The following GALNT13 variants were observed in gnomAD, a reference collection of about 807,000 sequenced individuals.
GALNT13 encodes the protein polypeptide N-acetylgalactosaminyltransferase 13.
Under a neutral mutation model 64.2 loss-of-function variants are expected in GALNT13, and 28 were observed. That is an observed-to-expected ratio of 0.44 (90% CI 0.32 to 0.60). The LOEUF (loss-of-function observed/expected upper bound fraction) is 0.60, where lower values mean the gene tolerates loss of function less well. Among genes scored for constraint, GALNT13 ranks in the 20% least tolerant of loss-of-function variants. The probability of loss-of-function intolerance (pLI) is 0.05; values close to 1 mark genes in which losing one functional copy is unlikely to be tolerated. For synonymous variants in GALNT13, 214 were observed against 224.6 expected, an observed-to-expected ratio of 0.95 and a Z score of 0.42; for missense variants, 577 against 669.8, an observed-to-expected ratio of 0.86 and a Z score of 1.53.
At chr2:153,648,388 A>G in the GALNT13 span, among the ~76,000 whole-genome samples, 3 of 152,166 alleles carry the variant, frequency 2.0e-5, no homozygotes, top group Non-Finnish European at 4.4e-5. Flanking sequence ...CATTTTCTGA[A>G]TATACAATCA....
chr2:153,773,522 A>T, the GALNT13 span, among the ~76,000 whole-genome samples: 1 of 152,212 alleles, frequency 6.6e-6, no homozygotes, highest in African/African-American at 2.4e-5. Context: ...TGTGGAATAG[A>T]ATATAGATGT....
At position 153,873,409 on chromosome 2, in the gene GALNT13, C is replaced by G. The variant is rs575625187; in HGVS notation, c.-177+1106C>G. ...GCAAGCCCCTCCCGCATACCCGATT[C>G]TTTGACTATGGTTAGTTGAATTTCC... On this transcript the variant is annotated intron_variant, in intron 1 of 12. Coordinates refer to ENST00000392825, the MANE Select transcript of GALNT13 (RefSeq NM_052917.4). 1.6e-4 allele frequency among the ~76,000 whole-genome samples: 25 copies of G among 152,336 alleles called. No individual in the cohort carries two copies. In the South Asian group the frequency reaches 4.8e-3, roughly 29 times the overall value.
intron 2 of GALNT13, among the ~76,000 whole-genome samples, chr2:153,940,068 T>A (rs1274559445): frequency 3.3e-5 from 5 of 151,184 alleles, no homozygotes; most frequent in Non-Finnish European, 7.4e-5. Flanking sequence ...ATGAGGGCAT[T>A]TTTTGTTGTT....
chr2:153,755,193 C>T, the GALNT13 span, among the ~76,000 whole-genome samples: 1 of 152,018 alleles, frequency 6.6e-6, no homozygotes, highest in East Asian at 1.9e-4. Context: ...GGTTTCTGTT[C>T]GTTTGTGTTT....
chr2:153,777,374 A>T, the GALNT13 span, among the ~76,000 whole-genome samples: 1 of 152,140 alleles, frequency 6.6e-6, no homozygotes. Context: ...GTGCATTTCA[A>T]AGAGGATGCT....
the GALNT13 span, among the ~76,000 whole-genome samples, chr2:153,091,318 T>C: frequency 6.6e-6 from 1 of 152,118 alleles, no homozygotes; most frequent in African/African-American, 2.4e-5. Context: ...TTGCTGCTTC[T>C]ACTTTTATAT....
At chr2:154,410,702 A>G (rs760249910) in intron 11 of GALNT13, among the ~76,000 whole-genome samples, 86 of 151,898 alleles carry the variant, frequency 5.7e-4, no homozygotes, top group Non-Finnish European at 1.1e-3. Flanking sequence ...TTGGGGAGAC[A>G]TTTAGAAGTG....
chr2:153,569,580 T>G, the GALNT13 span, among the ~76,000 whole-genome samples: 1 of 152,048 alleles, frequency 6.6e-6, no homozygotes, highest in Non-Finnish European at 1.5e-5. Context: ...GTGTATATAT[T>G]TATGGGGTAC....
chr2:154,008,394 T>A (rs1696401822), intron 3 of GALNT13, among the ~76,000 whole-genome samples: 1 of 152,204 alleles, frequency 6.6e-6, no homozygotes, highest in Admixed American at 6.5e-5. Flanking sequence ...GTGCTAACAA[T>A]TTCTCTCTGG....
At chr2:154,050,653 A>T (rs1699553152) in intron 3 of GALNT13, among the ~76,000 whole-genome samples, 1 of 152,214 alleles carries the variant, frequency 6.6e-6, no homozygotes, top group Non-Finnish European at 1.5e-5. Flanking sequence ...ATTTTAACAT[A>T]TTTAAGTATC....
At position 154,246,501 on chromosome 2, in the gene GALNT13, G is replaced by A. The variant is rs73007764; in HGVS notation, c.857+519G>A. ...AATTACTTCAAATACTACTTAAGTT[G>A]AAATCCTGATTAGTAAAATATGCAC... On this transcript the variant is annotated intron_variant, in intron 7 of 12. Transcript: ENST00000392825. Among the ~76,000 whole-genome samples the A allele has an allele frequency of 2.4e-3, 363 of 152,084 alleles. 2 individuals carry two copies. The highest frequency in any genetic ancestry group is 7.9e-3 in the African/African-American group (328 of 41,514).
the GALNT13 span, among the ~76,000 whole-genome samples, chr2:153,166,620 C>CGTGT: frequency 1.5e-3 from 109 of 72,658 alleles, no homozygotes; most frequent in Admixed American, 3.2e-3. Flanking sequence ...TTGCCTACTG[C>CGTGT]ATGTGTGTGT....
the GALNT13 span, among the ~76,000 whole-genome samples, chr2:153,454,404 T>C: frequency 6.6e-6 from 1 of 152,204 alleles, no homozygotes; most frequent in African/African-American, 2.4e-5. Flanking sequence ...TGCTGCAGAA[T>C]AAACTTGGCA....
chr2:154,399,794 C>G (rs1035592850), intron 10 of GALNT13, among the ~76,000 whole-genome samples: 1 of 152,030 alleles, frequency 6.6e-6, no homozygotes, highest in South Asian at 2.1e-4. Context: ...TACTCTTAAG[C>G]CTTTCTACCA....
At chr2:153,905,420 T>A (rs568596079) in intron 2 of GALNT13, among the ~76,000 whole-genome samples, 44 of 152,074 alleles carry the variant, frequency 2.9e-4, no homozygotes, top group African/African-American at 1.1e-3. Context: ...ATTTATAACT[T>A]AGGCACAGGA....
chr2:154,311,620 G>A (rs374008498), intron 9 of GALNT13, among the ~76,000 whole-genome samples: 30 of 152,270 alleles, frequency 2.0e-4, no homozygotes, highest in African/African-American at 6.7e-4. Flanking sequence ...ATCTTATCAG[G>A]ACACAGGGTT....
chr2:153,317,961 T>G, the GALNT13 span, among the ~76,000 whole-genome samples: 1 of 152,080 alleles, frequency 6.6e-6, no homozygotes, highest in Non-Finnish European at 1.5e-5. Context: ...GACAAATTTG[T>G]GAGGATCAGT....
At chr2:153,612,531 C>T in the GALNT13 span, among the ~76,000 whole-genome samples, 1 of 151,708 alleles carries the variant, frequency 6.6e-6, no homozygotes, top group South Asian at 2.1e-4. Flanking sequence ...ACAACAAAAT[C>T]GAAAGTCATC....
At chr2:153,561,222 ATCT>A in the GALNT13 span, among the ~76,000 whole-genome samples, 1 of 151,786 alleles carries the variant, frequency 6.6e-6, no homozygotes, top group Non-Finnish European at 1.5e-5. Flanking sequence ...TATGAAGATA[ATCT>A]TCTTTTCAAA....
Sources: allele counts gnomAD v4.1 joint callset (sites outside exome capture counted in the v4.1 genomes callset), GRCh38; gene constraint gnomAD v4.1.1; transcripts MANE v1.5; gene names NCBI Gene and HGNC (gene_info 2026-07-23, HGNC 2026-07-21).